ZSCAN32: variants seen among roughly 807,000 people sequenced by gnomAD.
ZSCAN32 encodes the protein zinc finger and SCAN domain containing 32.
A neutral mutation model predicts 47.4 loss-of-function variants in ZSCAN32; 52 were observed. The ratio of observed to expected loss-of-function variants is 1.10; its 90% confidence interval spans 0.88 to 1.38. The LOEUF is 1.38. ZSCAN32 is among the 40% of genes most tolerant of loss of function. The pLI is 0.00. For synonymous variants in ZSCAN32, 346 were observed against 305.7 expected, an observed-to-expected ratio of 1.13 and a Z score of -1.38; for missense variants, 959 against 846.0, an observed-to-expected ratio of 1.13 and a Z score of -1.66.
At chr16:3,395,667 G>A (rs923558737) in intron 2 of ZSCAN32, among the ~76,000 whole-genome samples, 4 of 152,116 alleles carry the variant, frequency 2.6e-5, no homozygotes, top group Admixed American at 1.3e-4. Flanking sequence ...TTTCAAATAG[G>A]TGTTTAACCT....
At chr16:3,387,476 G>T (rs1253310436) in intron 5 of ZSCAN32, among the ~76,000 whole-genome samples, 1 of 152,234 alleles carries the variant, frequency 6.6e-6, no homozygotes, top group Non-Finnish European at 1.5e-5. Context: ...GTTCAGGATG[G>T]CTGGCTACTA....
At chr16:3,393,849 TCCTG>T in intron 2 of ZSCAN32, 35 bp from the exon 3 acceptor site, 2 of 1,502,922 alleles carry the variant, frequency 1.3e-6, no homozygotes, top group South Asian at 2.5e-5. Flanking sequence ...CACTACAAAT[TCCTG>T]CCTAAGCTGG....
intron 5 of ZSCAN32, among the ~76,000 whole-genome samples, chr16:3,387,384 T>C (rs530788059): frequency 1.3e-5 from 2 of 152,318 alleles, no homozygotes; most frequent in East Asian, 1.9e-4. Context: ...ATATCTCCTG[T>C]CATCCTTGTA....
rs755843796 is a variant in ZSCAN32 at position 3,384,859 on chromosome 16, C to A, written c.834G>T (p.Gln278His). Reference protein sequence around the residue: ...LSSSQFYGKLQTCQQNSQIYR... With the variant: ...LSSSQFYGKLHTCQQNSQIYR... The stretch of plus-strand genomic sequence containing the variant: ...AGATCTGGCTGTTCTGCTGACAGGT[C>A]TGGAGTTTTCCATAAAATTGAGAAC... Residue 278 changes from glutamine to histidine, a missense_variant, in exon 6 of 7, where the codon CAG (glutamine) becomes CAT (histidine). Gln to His is a conservative substitution (Grantham distance 24). Transcript: ENST00000396852. The A allele has an allele frequency of 6.2e-7, 1 of 1,614,122 alleles. No individual in the cohort carries two copies.
At chr16:3,393,228 A>AG (rs1491151488) in intron 3 of ZSCAN32, among the ~76,000 whole-genome samples, 1 of 9,214 alleles carries the variant, frequency 1.1e-4, no homozygotes. Flanking sequence ...ATATATATAT[A>AG]AATTTATATA....
chr16:3,390,152 T>C lies in ZSCAN32; in HGVS notation c.628-19A>G. The C allele has an allele frequency of 6.3e-7, 1 of 1,589,790 alleles. No homozygotes were observed. Among genetic ancestry groups the C allele is most frequent in the Non-Finnish European group, 8.6e-7 (1 of 1,167,602 alleles). On this transcript the variant is annotated intron_variant, in intron 4 of 6. Transcript: ENST00000396852. ...CTGGTCCCTGTAACAACACTGGAGC[T>C]GCTGCTACCGATAAAATAGCACCAC...
rs1268130231 is a variant in ZSCAN32 at position 3,382,752 on chromosome 16, G to A, written c.*100C>T. 9.4e-6 allele frequency: 14 copies of A among 1,493,194 alleles called. No homozygotes were observed. Among genetic ancestry groups the A allele is most frequent in the Admixed American group, 2.3e-5 (1 of 43,094 alleles). The allele number at this position is 1,493,194 out of a possible 1,614,324, so 92.5% of individuals were successfully genotyped here. A position where few individuals can be genotyped will look rare whatever the true frequency, so the allele number is the denominator to read the frequency against. On this transcript the variant is annotated 3_prime_UTR_variant, in exon 7 of 7. Coordinates refer to ENST00000396852, the MANE Select transcript of ZSCAN32 (RefSeq NM_001284527.2). ...GGGTCTTAAGATCCAGTAGTCAGTA[G>A]GTCTGTTGCAAAGTCAGGGACTGGC... is the stretch of plus-strand genomic sequence containing the variant.
intron 1 of ZSCAN32, 141 bp downstream of exon 1, chr16:3,400,804 G>A (rs1425252362): frequency 1.3e-5 from 2 of 152,272 alleles, no homozygotes; most frequent in Non-Finnish European, 2.9e-5. Flanking sequence ...CCCGGCCTGA[G>A]GGAGGCTGCC....
chr16:3,387,569 A>T (rs1350738152), intron 5 of ZSCAN32, among the ~76,000 whole-genome samples: 1 of 152,224 alleles, frequency 6.6e-6, no homozygotes, highest in Non-Finnish European at 1.5e-5. Context: ...CAGCAAGTGC[A>T]TTCCAACATC....
rs112696062 is a variant in ZSCAN32 at position 3,384,742 on chromosome 16, G to A, written c.951C>T (p.Tyr317=). 195 of 1,614,192 alleles carry A rather than the reference G, an allele frequency of 1.2e-4. 4 individuals carry two copies. In the African/African-American group the frequency reaches 1.9e-3, roughly 16 times the overall value. Residue 317 remains tyrosine, a synonymous_variant, in exon 6 of 7, where the codon TAC becomes TAT. Coordinates refer to ENST00000396852, the MANE Select transcript of ZSCAN32 (RefSeq NM_001284527.2). ...RTKFKSLQLS[Y]RKVRRGRVPE... ...GCACACGGCCTCTCCTCACTTTGCG[G>A]TAACTCAACTGTAGGCTTTTGAACT...
chr16:3,390,308 A>G (rs2032525715), intron 4 of ZSCAN32, 115 bp downstream of exon 4: 1 of 1,355,210 alleles, frequency 7.4e-7, no homozygotes, highest in African/African-American at 1.5e-5. Context: ...CAGAATCAAA[A>G]TAACCCGAGA....
intron 5 of ZSCAN32, among the ~76,000 whole-genome samples, chr16:3,386,505 G>A (rs923983906): frequency 1.3e-5 from 2 of 152,062 alleles, no homozygotes; most frequent in Admixed American, 6.6e-5. Context: ...TGTTTATTGC[G>A]GCACTATTCA....
In ZSCAN32 at chr16:3,397,458, C is replaced by T. The variant is rs1057001431; in HGVS notation, c.100G>A (p.Glu34Lys). The stretch of plus-strand genomic sequence containing the variant: ...TGCCTGAAGCGCTGACGGGAGGCCT[C>T]GGAGTCAGGGCTGTTACCCTGGAGG... ...SALQGNSPDS[E>K]ASRQRFRQFC... Residue 34 changes from glutamate (E) to lysine (K), a missense_variant, in exon 2 of 7, where the codon GAG (glutamate) becomes AAG (lysine). Transcript: ENST00000396852. 6.4e-6 allele frequency: 10 copies of T among 1,550,680 alleles called. No homozygotes were observed. The highest frequency in any genetic ancestry group is 4.1e-5 in the African/African-American group (3 of 73,048).
intron 5 of ZSCAN32, among the ~76,000 whole-genome samples, chr16:3,388,565 C>T (rs1262614193): frequency 6.6e-6 from 1 of 152,156 alleles, no homozygotes; most frequent in African/African-American, 2.4e-5. Context: ...ACTGTTGTAT[C>T]CCTAACGACC....
Position 3,383,299 on chromosome 16 carries a change from G to A in ZSCAN32, c.1647C>T (p.His549=), listed in dbSNP as rs2031480119. 1 of 1,614,100 alleles carries A rather than the reference G, an allele frequency of 6.2e-7. No homozygotes were observed. Among genetic ancestry groups the A allele is most frequent in the Non-Finnish European group, 8.5e-7 (1 of 1,180,046 alleles). Residue 549 remains histidine (H), a synonymous_variant, in exon 7 of 7, where the codon CAC becomes CAT. Transcript: ENST00000396852. The part of the protein sequence containing the change: ...HQRIHTGEKP[H]KCSECGKGFS... Reference sequence around the variant, plus strand: ...AGCCCTTCCCGCACTCACTGCACTTGTGAGGCTTCTCGCCTGTGTGGATTC... The same window carrying A: ...AGCCCTTCCCGCACTCACTGCACTTATGAGGCTTCTCGCCTGTGTGGATTC...
intron 3 of ZSCAN32, among the ~76,000 whole-genome samples, chr16:3,391,903 C>T (rs1271645643): frequency 6.6e-6 from 1 of 152,136 alleles, no homozygotes; most frequent in Non-Finnish European, 1.5e-5. Flanking sequence ...TGCACTCCAG[C>T]CTGGGCAACA....
chr16:3,397,682 T>C lies in ZSCAN32; in HGVS notation c.-125A>G. 2 of 1,297,610 alleles carry C rather than the reference T, an allele frequency of 1.5e-6. No individual in the cohort carries two copies. Among genetic ancestry groups the C allele is most frequent in the African/African-American group, 3.0e-5 (2 of 67,076 alleles). 80.4% of individuals were successfully genotyped at this position (1,297,610 alleles called of 1,614,324 possible). ...ATGTCTTTCTGTAATCCGTGGGACATGAGAGTGTCAGACATGTGTAGAGAC... is the reference window on the plus strand; with the variant it reads ...ATGTCTTTCTGTAATCCGTGGGACACGAGAGTGTCAGACATGTGTAGAGAC... On this transcript the variant is annotated 5_prime_UTR_variant, in exon 2 of 7. The change abolishes an upstream ATG in the 5' untranslated region. Coordinates refer to ENST00000396852, the MANE Select transcript of ZSCAN32 (RefSeq NM_001284527.2).
Position 3,384,671 on chromosome 16 carries a change from G to T in ZSCAN32, c.1022C>A (p.Ser341Tyr). The change falls in exon 6 of 7, where the codon TCC becomes TAC. Residue 341 changes from serine (S) to tyrosine (Y), a missense_variant. Ser to Tyr is a moderately radical substitution (Grantham distance 144). Transcript: ENST00000396852. ...TGCCATAGGAGGTGCAGAGGCCCAGGAGCCTGAAAGAGCATTCATTTCCTC... is the reference window on the plus strand; with the variant it reads ...TGCCATAGGAGGTGCAGAGGCCCAGTAGCCTGAAAGAGCATTCATTTCCTC... ...FYEEMNALSG[S>Y]WASAPPMASD... 6.2e-7 allele frequency: 1 copy of T among 1,614,146 alleles called. No individual in the cohort carries two copies. The highest frequency in any genetic ancestry group is 8.5e-7 in the Non-Finnish European group (1 of 1,180,032).
chr16:3,386,046 C>G (rs938104513), intron 5 of ZSCAN32, among the ~76,000 whole-genome samples: 5 of 152,150 alleles, frequency 3.3e-5, no homozygotes, highest in African/African-American at 9.7e-5. Context: ...ATCTACTCAT[C>G]TGACAAAGGG....
Sources: gnomAD v4.1 joint callset for allele counts (sites outside exome capture counted in the v4.1 genomes callset) on GRCh38, gnomAD v4.1.1 for gene constraint, MANE v1.5 for transcripts, NCBI Gene and HGNC (gene_info 2026-07-23, HGNC 2026-07-21) for gene names.